Variants in AFF3 observed in about 807,000 individuals in gnomAD.
AFF3 encodes AF4/FMR2 family member 3.
In AFF3, 32 loss-of-function variants were observed where a neutral mutation model predicts 129.7. The ratio of observed to expected loss-of-function variants is 0.25; its 90% CI spans 0.19 to 0.33. The LOEUF (loss-of-function observed/expected upper bound fraction) is 0.33. Ranked by LOEUF, AFF3 falls within the 10% of genes least tolerant of loss-of-function variation. AFF3 has a pLI of 1.00. For missense variants in AFF3, 1,373 were observed against 1,592.0 expected (o/e 0.86, Z 2.34); for synonymous variants, 644 against 635.4 (o/e 1.01, Z -0.20).
intron 8 of AFF3, among the ~76,000 whole-genome samples, chr2:99,772,382 T>G (rs1270783273): frequency 6.6e-6 from 1 of 152,138 alleles, no homozygotes; most frequent in African/African-American, 2.4e-5. Context: ...TGCAACCCAT[T>G]CCACCCTGCC....
At chr2:99,788,308 T>G (rs1007008262) in intron 8 of AFF3, among the ~76,000 whole-genome samples, 4 of 152,112 alleles carry the variant, frequency 2.6e-5, no homozygotes, top group Non-Finnish European at 4.4e-5. Flanking sequence ...AAGGCACTGC[T>G]ATCAGAGGAG....
intron 8 of AFF3, among the ~76,000 whole-genome samples, chr2:99,829,305 A>C (rs948837378): frequency 7.9e-5 from 12 of 152,120 alleles, no homozygotes; most frequent in Non-Finnish European, 1.5e-4. Flanking sequence ...TTAAACTAAA[A>C]AGCTTCTGCA....
At chr2:100,060,103 T>A (rs771698663) in intron 4 of AFF3, among the ~76,000 whole-genome samples, 9 of 152,126 alleles carry the variant, frequency 5.9e-5, no homozygotes, top group Non-Finnish European at 1.3e-4. Flanking sequence ...CCCTCCATCC[T>A]CCTTTGGTTC....
intron 7 of AFF3, among the ~76,000 whole-genome samples, chr2:99,866,519 TG>T (rs1268872018): frequency 2.0e-5 from 3 of 152,098 alleles, no homozygotes; most frequent in African/African-American, 7.2e-5. Flanking sequence ...CAGAAGAAAC[TG>T]CCACCATCAT....
intron 8 of AFF3, among the ~76,000 whole-genome samples, chr2:99,836,069 C>T (rs1688853170): frequency 6.6e-6 from 1 of 152,126 alleles, no homozygotes; most frequent in Non-Finnish European, 1.5e-5. Context: ...AAACTTCAAG[C>T]CTTGTATGGA....
intron 7 of AFF3, among the ~76,000 whole-genome samples, chr2:99,936,505 T>C (rs1674536507): frequency 6.6e-6 from 1 of 152,110 alleles, no homozygotes; most frequent in Non-Finnish European, 1.5e-5. Flanking sequence ...CAAATCCCCA[T>C]ACGTGCTGAC....
intron 7 of AFF3, among the ~76,000 whole-genome samples, chr2:99,936,340 G>T (rs1674523578): frequency 6.6e-6 from 1 of 152,152 alleles, no homozygotes; most frequent in Admixed American, 6.5e-5. Flanking sequence ...ACAGCTTCGT[G>T]TGCTGAGTAT....
intron 8 of AFF3, among the ~76,000 whole-genome samples, chr2:99,787,577 C>A (rs1684895164): frequency 6.6e-6 from 1 of 152,212 alleles, no homozygotes; most frequent in Non-Finnish European, 1.5e-5. Flanking sequence ...ATCATTTAGT[C>A]ACTTAATCAT....
At chr2:100,014,087 C>G (rs1682782867) in intron 4 of AFF3, among the ~76,000 whole-genome samples, 1 of 151,896 alleles carries the variant, frequency 6.6e-6, no homozygotes, top group East Asian at 1.9e-4. Flanking sequence ...CACTCATCCA[C>G]ATGCAGCCTG....
chr2:99,867,051 T>C (rs1691474471), intron 7 of AFF3, among the ~76,000 whole-genome samples: 1 of 150,598 alleles, frequency 6.6e-6, no homozygotes, highest in Admixed American at 6.6e-5. Flanking sequence ...GCACTGGCAT[T>C]TTCAGTTTCT....
intron 10 of AFF3, among the ~76,000 whole-genome samples, chr2:99,741,240 A>G (rs1680692102): frequency 6.6e-6 from 1 of 152,138 alleles, no homozygotes; most frequent in East Asian, 1.9e-4. Flanking sequence ...AGGAGAAGGA[A>G]ACAAAGGGTA....
intron 2 of AFF3, 68 bp from the exon 3 acceptor site, chr2:100,105,651 C>G: frequency 7.4e-7 from 1 of 1,343,700 alleles, no homozygotes; most frequent in Non-Finnish European, 9.9e-7. Flanking sequence ...ATTGTAAAGA[C>G]AGCTCTTCCC....
At chr2:99,806,904 GAAGA>G (rs1489983135) in intron 8 of AFF3, among the ~76,000 whole-genome samples, 2 of 152,094 alleles carry the variant, frequency 1.3e-5, no homozygotes, top group African/African-American at 4.8e-5. Context: ...CATCATTTCT[GAAGA>G]AAGAGACATA....
At chr2:99,676,765 G>A (rs542972900) in intron 11 of AFF3, among the ~76,000 whole-genome samples, 8 of 152,314 alleles carry the variant, frequency 5.3e-5, no homozygotes, top group Admixed American at 3.9e-4. Context: ...AGAGATGGTG[G>A]AGGGGAATAT....
chr2:99,559,503 T>G lies in AFF3; in HGVS notation c.3192-535A>C, dbSNP rs1675278490. On this transcript the variant is annotated intron_variant, in intron 21 of 24. Transcript: ENST00000672756. ...CTATGCTGGGAATAGGTGCCATCAT[T>G]TTATTATTTCCTATAATATTTTGTA... Among the ~76,000 whole-genome samples, 3 of 152,264 alleles carry G rather than the reference T, an allele frequency of 2.0e-5. No individual in the cohort carries two copies. The South Asian group carries it at 6.2e-4, about 31-fold the overall frequency.
intron 11 of AFF3, among the ~76,000 whole-genome samples, chr2:99,675,588 C>T (rs921838005): frequency 6.6e-6 from 1 of 152,230 alleles, no homozygotes; most frequent in African/African-American, 2.4e-5. Context: ...GTTTAACATT[C>T]ACAAACAACT....
At chr2:100,085,795 C>A (rs1033883989) in intron 4 of AFF3, among the ~76,000 whole-genome samples, 2 of 152,184 alleles carry the variant, frequency 1.3e-5, no homozygotes, top group Admixed American at 6.5e-5. Context: ...TGGTTTCTCT[C>A]CACACAGACT....
chr2:99,698,223 G>A (rs1236803855), intron 11 of AFF3, among the ~76,000 whole-genome samples: 1 of 152,156 alleles, frequency 6.6e-6, no homozygotes, highest in Non-Finnish European at 1.5e-5. Flanking sequence ...TGTTTTAGTA[G>A]CTTACTTGTG....
At chr2:100,080,708 T>G (rs1378240597) in intron 4 of AFF3, among the ~76,000 whole-genome samples, 2 of 152,164 alleles carry the variant, frequency 1.3e-5, no homozygotes, top group African/African-American at 2.4e-5. Flanking sequence ...ATCTGTATGT[T>G]GCCCCCACCC....
Sources: allele counts gnomAD v4.1 joint callset (sites outside exome capture counted in the v4.1 genomes callset), GRCh38; gene constraint gnomAD v4.1.1; transcripts MANE v1.5; gene names NCBI Gene and HGNC (gene_info 2026-07-23, HGNC 2026-07-21).